FRAS1: variants seen among roughly 807,000 people sequenced by gnomAD.
The protein encoded by FRAS1 is Fraser extracellular matrix complex subunit 1.
Under a neutral mutation model 435.2 loss-of-function variants are expected in FRAS1, and 290 were observed. The observed-to-expected ratio is 0.67, with a 90% CI of 0.61 to 0.73. The LOEUF (loss-of-function observed/expected upper bound fraction) is 0.73. Among genes scored for constraint, FRAS1 ranks in the 30% least tolerant of loss-of-function variants. The pLI is 0.00. For synonymous variants in FRAS1, 1,800 were observed against 1,851.0 expected (o/e 0.97, Z 0.71); for missense variants, 4,860 against 5,001.5 (o/e 0.97, Z 0.85).
At chr4:78,323,916 A>G (rs573473677) in intron 18 of FRAS1, among the ~76,000 whole-genome samples, 2 of 152,194 alleles carry the variant, frequency 1.3e-5, no homozygotes, top group South Asian at 2.1e-4. Flanking sequence ...AGAATTTCTC[A>G]TAGGACTCTC....
At chr4:78,413,504 T>C (rs1209737293) in intron 32 of FRAS1, among the ~76,000 whole-genome samples, 1 of 152,194 alleles carries the variant, frequency 6.6e-6, no homozygotes, top group East Asian at 1.9e-4. Context: ...TGTAAAAGTT[T>C]CCTAGAGAAG....
intron 2 of FRAS1, among the ~76,000 whole-genome samples, chr4:78,185,305 GT>G (rs1722224822): frequency 6.6e-6 from 1 of 152,336 alleles, no homozygotes; most frequent in East Asian, 1.9e-4. Flanking sequence ...GCATGTAGCT[GT>G]TTTATTGGCT....
rs776331026 is a variant in FRAS1, at chr4:78,481,873, C to T, written c.8513C>T (p.Thr2838Met). The T allele has an allele frequency of 8.1e-6, 13 of 1,613,764 alleles. No homozygotes were observed. Among genetic ancestry groups the T allele is most frequent in the Non-Finnish European group, 8.5e-6 (10 of 1,179,838 alleles). ...LSTFASVWCA[T>M]RPSDPASATP... ...ACTTTCGCATCTGTCTGGTGTGCAACGCGGCCCTCAGACCCAGCTTCTGCC... is the reference window on the plus strand; with the variant it reads ...ACTTTCGCATCTGTCTGGTGTGCAATGCGGCCCTCAGACCCAGCTTCTGCC... Residue 2838 changes from threonine to methionine, a missense_variant, in exon 57 of 74, where the codon ACG becomes ATG. Transcript: ENST00000512123.
intron 2 of FRAS1, among the ~76,000 whole-genome samples, chr4:78,209,936 G>A (rs1723432540): frequency 1.3e-5 from 2 of 152,278 alleles, no homozygotes; most frequent in Middle Eastern, 6.8e-3. Context: ...CCCTGTGCCA[G>A]AGTTCCTGCG....
At chr4:78,326,853 T>A (rs767518470) in intron 18 of FRAS1, among the ~76,000 whole-genome samples, 2 of 152,098 alleles carry the variant, frequency 1.3e-5, no homozygotes, top group Non-Finnish European at 2.9e-5. Flanking sequence ...CTTTCATCCA[T>A]CTATCCACCC....
Position 78,387,399 on chromosome 4 carries a change from G to A in FRAS1, c.3673G>A (p.Val1225Ile). ...TQAPYVLRNE[V>I]LHISRGERAT... Reference sequence around the variant, plus strand: ...GGCCCCCTATGTGCTGAGAAATGAAGTTCTCCACATTAGCAGAGGAGAGAG... The same window carrying A: ...GGCCCCCTATGTGCTGAGAAATGAAATTCTCCACATTAGCAGAGGAGAGAG... The change falls in exon 29 of 74, where the codon GTT becomes ATT. Residue 1225 changes from valine (V) to isoleucine (I), a missense_variant. Coordinates refer to ENST00000512123, the MANE Select transcript of FRAS1 (RefSeq NM_025074.7). 1 of 1,611,038 alleles carries A rather than the reference G, an allele frequency of 6.2e-7. No homozygotes were observed. Among genetic ancestry groups the A allele is most frequent in the African/African-American group, 1.3e-5 (1 of 74,902 alleles).
At chr4:78,358,746 G>T (rs982212911) in intron 20 of FRAS1, among the ~76,000 whole-genome samples, 4 of 152,140 alleles carry the variant, frequency 2.6e-5, no homozygotes, top group Non-Finnish European at 4.4e-5. Context: ...CATAGCCTTA[G>T]TTATAAAAAT....
intron 20 of FRAS1, among the ~76,000 whole-genome samples, chr4:78,338,202 C>T (rs1363043020): frequency 6.6e-6 from 1 of 151,960 alleles, no homozygotes; most frequent in Non-Finnish European, 1.5e-5. Flanking sequence ...GAATCTTTGC[C>T]ATCAGCCCCA....
intron 67 of FRAS1, 93 bp downstream of exon 67, chr4:78,519,574 TTCTCA>T: frequency 7.1e-7 from 1 of 1,415,316 alleles, no homozygotes; most frequent in Non-Finnish European, 9.6e-7. Flanking sequence ...GTAGCTGCAT[TTCTCA>T]TCCTGTTATC....
At chr4:78,168,055 CA>C (rs34469339) in intron 2 of FRAS1, among the ~76,000 whole-genome samples, 6,921 of 146,168 alleles carry the variant, frequency 0.047, 203 homozygotes, top group Non-Finnish European at 0.058. Context: ...AGTACCAGTT[CA>C]AAAAAAAAAA....
intron 2 of FRAS1, among the ~76,000 whole-genome samples, chr4:78,215,678 G>A (rs1281985132): frequency 6.6e-6 from 1 of 152,040 alleles, no homozygotes; most frequent in Non-Finnish European, 1.5e-5. Flanking sequence ...TACTACTGTG[G>A]GTATCTCATA....
intron 45 of FRAS1, 82 bp from the exon 46 acceptor site, chr4:78,451,690 C>G: frequency 1.4e-5 from 16 of 1,160,458 alleles, no homozygotes; most frequent in Non-Finnish European, 1.8e-5. Flanking sequence ...GGTGTGAACA[C>G]CAATTGAATT....
intron 18 of FRAS1, among the ~76,000 whole-genome samples, chr4:78,330,955 T>G (rs1459319841): frequency 6.6e-6 from 1 of 152,182 alleles, no homozygotes; most frequent in African/African-American, 2.4e-5. Context: ...CTTGCTGGTT[T>G]TACGGTTTGT....
chr4:78,484,287 C>T (rs1293309600), intron 58 of FRAS1, among the ~76,000 whole-genome samples: 1 of 152,236 alleles, frequency 6.6e-6, no homozygotes, highest in East Asian at 1.9e-4. Flanking sequence ...TGTTTACTCA[C>T]CTATTGAATG....
intron 70 of FRAS1, among the ~76,000 whole-genome samples, chr4:78,534,093 C>T (rs1291752670): frequency 6.6e-6 from 1 of 152,118 alleles, no homozygotes; most frequent in Non-Finnish European, 1.5e-5. Flanking sequence ...GAGTCAAAGC[C>T]TCAGAGCATG....
At chr4:78,455,427 G>GGC (rs1553962070) in intron 47 of FRAS1, among the ~76,000 whole-genome samples, 2 of 151,388 alleles carry the variant, frequency 1.3e-5, no homozygotes, top group Non-Finnish European at 1.5e-5. Context: ...AGGAGGGAGG[G>GGC]GGTTCTGTTA....
chr4:78,410,470 G>C (rs537134579), intron 31 of FRAS1, among the ~76,000 whole-genome samples: 1 of 151,518 alleles, frequency 6.6e-6, no homozygotes, highest in Admixed American at 6.6e-5. Flanking sequence ...AAACTCACTG[G>C]ATGAAGACAT....
intron 12 of FRAS1, among the ~76,000 whole-genome samples, chr4:78,283,985 AT>A (rs1181765564): frequency 1.3e-5 from 2 of 152,142 alleles, no homozygotes; most frequent in Non-Finnish European, 2.9e-5. Flanking sequence ...AAAAATAACT[AT>A]TTTTCAACAT....
At position 78,466,249 on chromosome 4, in the gene FRAS1, T is replaced by G. The variant is rs371557245; in HGVS notation, c.7071T>G (p.His2357Gln). 48 of 1,613,870 alleles carry G rather than the reference T, an allele frequency of 3.0e-5. No individual in the cohort carries two copies. Among genetic ancestry groups the G allele is most frequent in the Non-Finnish European group, 3.7e-5 (44 of 1,179,882 alleles). The change falls in exon 50 of 74, where the codon CAT becomes CAG. Residue 2357 changes from histidine (H) to glutamine (Q), a missense_variant. His to Gln is a conservative substitution (Grantham distance 24). Coordinates refer to ENST00000512123, the MANE Select transcript of FRAS1 (RefSeq NM_025074.7). ...TCACCATCGTGCAGCCTCCACGCCA[T>G]GGCACCATCGAGCGAACCAGCAATG... Reference protein sequence around the residue: ...VTFTIVQPPRHGTIERTSNGQ... With the variant: ...VTFTIVQPPRQGTIERTSNGQ...
Sources: gnomAD v4.1 joint callset for allele counts (sites outside exome capture counted in the v4.1 genomes callset) on GRCh38, gnomAD v4.1.1 for gene constraint, MANE v1.5 for transcripts, NCBI Gene and HGNC (gene_info 2026-07-23, HGNC 2026-07-21) for gene names.